Variants in CSMD3 observed in about 807,000 individuals in gnomAD.
CSMD3 encodes CUB and sushi domain-containing protein 3.
A neutral mutation model predicts 435.2 loss-of-function variants in CSMD3; 177 were observed. That is an observed-to-expected ratio of 0.41 (90% CI 0.36 to 0.46). The LOEUF (loss-of-function observed/expected upper bound fraction) is 0.46. CSMD3 is among the 20% of genes least tolerant of loss of function. The probability of loss-of-function intolerance (pLI) is 0.34; values close to 1 mark genes in which losing one functional copy is unlikely to be tolerated. For synonymous variants in CSMD3, 1,656 were observed against 1,520.5 expected (o/e 1.09, Z -2.07); for missense variants, 4,265 against 4,504.6 (o/e 0.95, Z 1.52).
intron 24 of CSMD3, among the ~76,000 whole-genome samples, chr8:112,569,286 A>G (rs1358527534): frequency 6.6e-6 from 1 of 152,154 alleles, no homozygotes; most frequent in Non-Finnish European, 1.5e-5. Context: ...GAAAGACAGG[A>G]GCAAAATCCT....
intron 3 of CSMD3, among the ~76,000 whole-genome samples, chr8:113,224,425 C>A (rs1014096333): frequency 4.0e-5 from 6 of 151,126 alleles, no homozygotes; most frequent in African/African-American, 1.5e-4. Flanking sequence ...GAATTACTAT[C>A]CCTAACAAAC....
chr8:112,563,188 A>C (rs1828789858), intron 24 of CSMD3, among the ~76,000 whole-genome samples: 1 of 151,952 alleles, frequency 6.6e-6, no homozygotes, highest in Admixed American at 6.6e-5. Flanking sequence ...TTTTCTCATT[A>C]ATAGAACTAA....
intron 13 of CSMD3, among the ~76,000 whole-genome samples, chr8:112,772,090 C>A (rs1168622054): frequency 2.6e-5 from 4 of 151,708 alleles, no homozygotes; most frequent in African/African-American, 9.7e-5. Context: ...ATGACAAAGT[C>A]ATATCAGAAA....
chr8:112,275,114 C>A (rs1422647318), intron 59 of CSMD3, among the ~76,000 whole-genome samples: 1 of 151,858 alleles, frequency 6.6e-6, no homozygotes, highest in Admixed American at 6.6e-5. Flanking sequence ...TCAAACCATG[C>A]AAACCCTGGC....
chr8:112,596,976 C>T (rs548229741), intron 22 of CSMD3, among the ~76,000 whole-genome samples: 2 of 152,172 alleles, frequency 1.3e-5, no homozygotes, highest in South Asian at 4.2e-4. Context: ...CAAGAGCAAA[C>T]ACATTCAAAA....
intron 13 of CSMD3, among the ~76,000 whole-genome samples, chr8:112,707,546 G>T (rs1442155618): frequency 6.6e-6 from 1 of 151,888 alleles, no homozygotes; most frequent in Admixed American, 6.6e-5. Flanking sequence ...AAATACAACA[G>T]TTAAACAGGC....
chr8:112,428,926 A>T lies in CSMD3; in HGVS notation c.5396-19894T>A, dbSNP rs376645019. On this transcript the variant is annotated intron_variant, in intron 32 of 70. Transcript: ENST00000297405. Reference sequence around the variant, plus strand: ...TAAATTTTTTTGAATTGATAGATACAATTGTATGTGGATATTTATTGTGTA... The same window carrying T: ...TAAATTTTTTTGAATTGATAGATACTATTGTATGTGGATATTTATTGTGTA... Among the ~76,000 whole-genome samples the T allele has an allele frequency of 7.9e-5, 12 of 152,048 alleles. No homozygotes were observed. The East Asian group carries it at 2.3e-3, about 29-fold the overall frequency.
At chr8:112,707,481 G>A (rs976003186) in intron 13 of CSMD3, among the ~76,000 whole-genome samples, 2 of 151,420 alleles carry the variant, frequency 1.3e-5, no homozygotes, top group Non-Finnish European at 1.5e-5. Context: ...GTGGTGGTGC[G>A]GCGGGAGGGG....
At chr8:112,691,456 T>C (rs1189631125) in intron 13 of CSMD3, among the ~76,000 whole-genome samples, 2 of 151,890 alleles carry the variant, frequency 1.3e-5, no homozygotes, top group Non-Finnish European at 2.9e-5. Flanking sequence ...CTGAGTACCA[T>C]TTTTTTTCTT....
At chr8:112,254,920 C>A (rs1362120746) in intron 62 of CSMD3, among the ~76,000 whole-genome samples, 18 of 152,054 alleles carry the variant, frequency 1.2e-4, no homozygotes, top group Admixed American at 4.6e-4. Context: ...ATTTTTGGAG[C>A]AAATCTAATT....
chr8:112,778,338 T>C (rs2078296580), intron 13 of CSMD3, among the ~76,000 whole-genome samples: 1 of 151,948 alleles, frequency 6.6e-6, no homozygotes, highest in Non-Finnish European at 1.5e-5. Flanking sequence ...ATAGCTTTAC[T>C]GACCTAAAAA....
intron 5 of CSMD3, among the ~76,000 whole-genome samples, chr8:113,045,982 C>T (rs1052061331): frequency 2.7e-5 from 4 of 149,412 alleles, no homozygotes; most frequent in Non-Finnish European, 4.5e-5. Flanking sequence ...TTACTTTTGC[C>T]TGCCTTTAAA....
intron 3 of CSMD3, among the ~76,000 whole-genome samples, chr8:113,236,435 C>T (rs1318956024): frequency 6.6e-6 from 1 of 152,116 alleles, no homozygotes; most frequent in Non-Finnish European, 1.5e-5. Flanking sequence ...ACTGGCCTAC[C>T]AGCAGCACAA....
At chr8:113,432,925 C>A (rs2094683897) in intron 1 of CSMD3, among the ~76,000 whole-genome samples, 1 of 152,184 alleles carries the variant, frequency 6.6e-6, no homozygotes, top group Non-Finnish European at 1.5e-5. Flanking sequence ...ATGTGTCCTC[C>A]TCCCAGCAGC....
At chr8:112,634,832 C>G (rs2074612108) in intron 22 of CSMD3, among the ~76,000 whole-genome samples, 1 of 151,530 alleles carries the variant, frequency 6.6e-6, no homozygotes, top group African/African-American at 2.4e-5. Context: ...TAGATTCCTT[C>G]TAGAATCACG....
chr8:112,408,348 T>A lies in CSMD3; in HGVS notation c.5575A>T (p.Thr1859Ser), dbSNP rs1832042246. Residue 1859 changes from threonine (T) to serine (S), a missense_variant, in exon 34 of 71, where the codon ACA becomes TCA. Physicochemically the swap from Thr to Ser is moderately conservative, Grantham distance 58. This residue lies in a region of CSMD3 where 3,255 missense variants were observed against 3,380.2 expected (regional missense o/e 0.96). Transcript: ENST00000297405. ...TAAACAAAGTGAAATCCCTTAGCTG[T>A]TATTGGTCCAACTGAAGTAAATCGA... ...TIRFTSVGPI[T>S]AKGFHFVYQA... 1 of 1,610,302 alleles carries A rather than the reference T, an allele frequency of 6.2e-7. No individual in the cohort carries two copies. The highest frequency in any genetic ancestry group is 1.1e-5 in the South Asian group (1 of 91,008).
chr8:112,241,336 A>G (rs1401310994), intron 66 of CSMD3, among the ~76,000 whole-genome samples: 1 of 152,078 alleles, frequency 6.6e-6, no homozygotes, highest in Non-Finnish European at 1.5e-5. Flanking sequence ...GTCAATTTCT[A>G]GAAGTTACCG....
chr8:113,287,479 G>A (rs1025271231), intron 2 of CSMD3, among the ~76,000 whole-genome samples: 2 of 151,950 alleles, frequency 1.3e-5, no homozygotes, highest in Non-Finnish European at 2.9e-5. Flanking sequence ...GATGTCACTG[G>A]CAGTAATATT....
At chr8:113,355,747 T>TACACAC (rs1435607560) in intron 1 of CSMD3, among the ~76,000 whole-genome samples, 14 of 87,524 alleles carry the variant, frequency 1.6e-4, no homozygotes, top group African/African-American at 7.3e-4. Context: ...TATATATATA[T>TACACAC]ATACACACAC....
Sources: allele counts gnomAD v4.1 joint callset (sites outside exome capture counted in the v4.1 genomes callset), GRCh38; gene constraint gnomAD v4.1.1; regional missense constraint gnomAD v4.1.1; transcripts MANE v1.5; gene names NCBI Gene and HGNC (gene_info 2026-07-23, HGNC 2026-07-21).